ZBTB20: variants seen among roughly 807,000 people sequenced by gnomAD.
The protein encoded by ZBTB20 is zinc finger and BTB domain-containing protein 20.
A neutral mutation model predicts 56.9 loss-of-function variants in ZBTB20; 9 were observed. The observed-to-expected ratio is 0.16, with a 90% CI of 0.10 to 0.28. The LOEUF (loss-of-function observed/expected upper bound fraction) is 0.28, where lower values mean the gene tolerates loss of function less well. Among genes scored for constraint, ZBTB20 ranks in the 10% least tolerant of loss-of-function variants. The pLI, the probability that ZBTB20 is intolerant of heterozygous loss-of-function variation, is 1.00. For synonymous variants in ZBTB20, 417 were observed against 420.7 expected (o/e 0.99, Z 0.11); for missense variants, 655 against 1,003.0 (o/e 0.65, Z 4.69).
intron 5 of ZBTB20, among the ~76,000 whole-genome samples, chr3:114,748,325 TCTTTCTTTCTTC>T (rs1248971647): frequency 7.6e-6 from 1 of 132,174 alleles, no homozygotes; most frequent in Non-Finnish European, 1.6e-5. Context: ...TTTCTTTCTT[TCTTTCTTTCTTC>T]TTTCTTTCTT....
intron 5 of ZBTB20, among the ~76,000 whole-genome samples, chr3:114,754,834 C>A (rs2067881947): frequency 6.6e-6 from 1 of 152,002 alleles, no homozygotes; most frequent in South Asian, 2.1e-4. Flanking sequence ...TATGAGCAGG[C>A]AATCACATAT....
At chr3:114,896,755 T>C (rs1262673188) in intron 4 of ZBTB20, among the ~76,000 whole-genome samples, 1 of 152,118 alleles carries the variant, frequency 6.6e-6, no homozygotes, top group Admixed American at 6.6e-5. Flanking sequence ...ATAGTTAAGA[T>C]AGTAAACTTC....
chr3:115,114,578 A>C (rs1344487829), intron 1 of ZBTB20, among the ~76,000 whole-genome samples: 1 of 152,154 alleles, frequency 6.6e-6, no homozygotes, highest in East Asian at 1.9e-4. Context: ...AAAGATCTTA[A>C]AGTAAGTTAT....
chr3:114,858,546 G>C (rs1216029030), intron 4 of ZBTB20, among the ~76,000 whole-genome samples: 1 of 152,044 alleles, frequency 6.6e-6, no homozygotes, highest in Non-Finnish European at 1.5e-5. Flanking sequence ...GTGTGTGTGT[G>C]TGTGTGATGT....
At chr3:115,022,661 C>A (rs1027837726) in intron 2 of ZBTB20, among the ~76,000 whole-genome samples, 3 of 150,972 alleles carry the variant, frequency 2.0e-5, no homozygotes, top group Admixed American at 6.6e-5. Context: ...CTCCTCTACT[C>A]CCTTCAAACT....
rs552514921 is a variant in ZBTB20, at chr3:114,899,032, T to G, written c.-417+1272A>C. On this transcript the variant is annotated intron_variant, in intron 4 of 11. Coordinates refer to ENST00000675478, the MANE Select transcript of ZBTB20 (RefSeq NM_001348800.3). ...TGTCTATATCAAAAATATAGATATC[T>G]GTCAGAAAACATACAAAGCCACAAC... Among the ~76,000 whole-genome samples the G allele has an allele frequency of 3.3e-5, 5 of 152,274 alleles. No individual in the cohort carries two copies. In the East Asian group the frequency reaches 9.6e-4, roughly 29 times the overall value.
intron 6 of ZBTB20, among the ~76,000 whole-genome samples, chr3:114,583,606 GTA>G (rs968069227): frequency 3.9e-5 from 6 of 152,022 alleles, no homozygotes; most frequent in Admixed American, 6.6e-5. Context: ...ATGTTTTTAG[GTA>G]AATAGGAACG....
At chr3:114,979,148 C>A (rs899926116) in intron 2 of ZBTB20, among the ~76,000 whole-genome samples, 2 of 151,906 alleles carry the variant, frequency 1.3e-5, no homozygotes, top group African/African-American at 2.4e-5. Flanking sequence ...GGTAACATCT[C>A]CAATTAAACT....
chr3:115,064,443 CTTTTTTTT>C (rs34098178), intron 2 of ZBTB20, among the ~76,000 whole-genome samples: 21 of 78,044 alleles, frequency 2.7e-4, no homozygotes, highest in African/African-American at 8.0e-4. Context: ...TCTCATAATT[CTTTTTTTT>C]TTTTTTTTTT....
chr3:114,723,632 T>C (rs1181109357), intron 5 of ZBTB20, among the ~76,000 whole-genome samples: 1 of 152,204 alleles, frequency 6.6e-6, no homozygotes, highest in African/African-American at 2.4e-5. Context: ...CTCTAGGTTT[T>C]AGACACAAGA....
chr3:114,898,390 C>T (rs535964582), intron 4 of ZBTB20, among the ~76,000 whole-genome samples: 1 of 152,118 alleles, frequency 6.6e-6, no homozygotes, highest in East Asian at 1.9e-4. Context: ...AGTGTTATTT[C>T]AATTATTCAT....
At chr3:114,421,164 A>G (rs993510040) in intron 7 of ZBTB20, among the ~76,000 whole-genome samples, 3 of 151,918 alleles carry the variant, frequency 2.0e-5, no homozygotes, top group Admixed American at 2.0e-4. Flanking sequence ...TAGTCTAGAG[A>G]GTTGAAATTT....
intron 6 of ZBTB20, among the ~76,000 whole-genome samples, chr3:114,521,505 G>C (rs907058634): frequency 6.6e-6 from 1 of 152,090 alleles, no homozygotes; most frequent in Non-Finnish European, 1.5e-5. Flanking sequence ...CTTGAATCTA[G>C]TGCCCTTTCA....
chr3:114,704,186 A>T (rs965761500), intron 5 of ZBTB20, among the ~76,000 whole-genome samples: 1 of 152,058 alleles, frequency 6.6e-6, no homozygotes, highest in Non-Finnish European at 1.5e-5. Flanking sequence ...CAATAATTTC[A>T]ATGTCAGTTA....
At chr3:114,948,382 TAGTGGTCCTAGCTAGTGCACACA>T (rs2076954933) in intron 3 of ZBTB20, among the ~76,000 whole-genome samples, 1 of 146,150 alleles carries the variant, frequency 6.8e-6, no homozygotes, top group African/African-American at 2.8e-5. Flanking sequence ...AATGTTATAC[TAGTGGTCCTAGCTAGTGCACACA>T]AGTGGTCCTA....
intron 4 of ZBTB20, among the ~76,000 whole-genome samples, chr3:114,844,689 G>A (rs1380209331): frequency 1.3e-5 from 2 of 151,046 alleles, no homozygotes; most frequent in Non-Finnish European, 2.9e-5. Context: ...CAACTTATGA[G>A]GCTTCCAGTT....
intron 6 of ZBTB20, among the ~76,000 whole-genome samples, chr3:114,560,617 T>A (rs559099439): frequency 6.6e-6 from 1 of 152,298 alleles, no homozygotes; most frequent in African/African-American, 2.4e-5. Context: ...ACTTTGGAGA[T>A]GTAACACATC....
At chr3:114,527,203 G>C (rs187983116) in intron 6 of ZBTB20, 21 of 152,118 alleles carry the variant, frequency 1.4e-4, no homozygotes, top group African/African-American at 5.1e-4. Flanking sequence ...AAAATGTAAT[G>C]ATTGTCTTGT....
chr3:114,999,883 T>A (rs1021498455), intron 2 of ZBTB20, among the ~76,000 whole-genome samples: 2 of 151,838 alleles, frequency 1.3e-5, no homozygotes, highest in Admixed American at 1.3e-4. Flanking sequence ...CAATTCTCAA[T>A]GATAACTGAA....
Sources: gnomAD v4.1 joint callset for allele counts (sites outside exome capture counted in the v4.1 genomes callset) on GRCh38, gnomAD v4.1.1 for gene constraint, MANE v1.5 for transcripts, NCBI Gene and HGNC (gene_info 2026-07-23, HGNC 2026-07-21) for gene names.